The following HPSE2 variants were observed in gnomAD, a reference collection of about 807,000 sequenced individuals.
HPSE2 encodes the protein inactive heparanase-2.
HPSE2 carries 38 observed loss-of-function variants against 60.5 expected under a neutral mutation model. The observed-to-expected ratio is 0.63, with a 90% CI of 0.48 to 0.82. The LOEUF (loss-of-function observed/expected upper bound fraction) is 0.82. HPSE2 is among the 40% of genes least tolerant of loss of function. The pLI is 0.00. For synonymous variants in HPSE2, 295 were observed against 293.2 expected, an observed-to-expected ratio of 1.01 and a Z score of -0.06; for missense variants, 713 against 740.4, an observed-to-expected ratio of 0.96 and a Z score of 0.43.
chr10:98,724,032 C>T (rs914495396), intron 4 of HPSE2, among the ~76,000 whole-genome samples: 8 of 152,034 alleles, frequency 5.3e-5, no homozygotes, highest in African/African-American at 1.2e-4. Context: ...GCTCTTGCTT[C>T]TCTAGTTCTT....
intron 3 of HPSE2, among the ~76,000 whole-genome samples, chr10:99,022,437 CTT>C (rs1386616730): frequency 2.6e-5 from 4 of 152,120 alleles, no homozygotes; most frequent in African/African-American, 9.7e-5. Flanking sequence ...GACTGCAACT[CTT>C]AGGCAAATCC....
chr10:98,536,103 C>T (rs1336455818), intron 9 of HPSE2, among the ~76,000 whole-genome samples: 1 of 152,218 alleles, frequency 6.6e-6, no homozygotes, highest in Non-Finnish European at 1.5e-5. Context: ...GGGGCTACCC[C>T]TTAGGAAGTC....
At chr10:98,724,488 G>A (rs1399505481) in intron 4 of HPSE2, among the ~76,000 whole-genome samples, 1 of 152,112 alleles carries the variant, frequency 6.6e-6, no homozygotes, top group Non-Finnish European at 1.5e-5. Context: ...GGTCCACTTG[G>A]TGCAGAGCTG....
intron 2 of HPSE2, among the ~76,000 whole-genome samples, chr10:99,191,208 C>A (rs1401000274): frequency 6.6e-6 from 1 of 151,964 alleles, no homozygotes; most frequent in African/African-American, 2.4e-5. Context: ...TAGTTCGCCA[C>A]CCTGAATGCA....
intron 3 of HPSE2, among the ~76,000 whole-genome samples, chr10:99,138,554 T>C (rs1288728403): frequency 1.3e-5 from 2 of 152,182 alleles, no homozygotes; most frequent in African/African-American, 2.4e-5. Context: ...TGGAATACTA[T>C]GCAGCCATAA....
chr10:99,141,227 A>C (rs1223258874), intron 3 of HPSE2, among the ~76,000 whole-genome samples: 4 of 152,126 alleles, frequency 2.6e-5, no homozygotes, highest in Admixed American at 2.0e-4. Context: ...ATGCACAATA[A>C]CAACACTCTC....
At chr10:98,526,080 A>G (rs1291861689) in intron 9 of HPSE2, among the ~76,000 whole-genome samples, 1 of 152,212 alleles carries the variant, frequency 6.6e-6, no homozygotes, top group Non-Finnish European at 1.5e-5. Context: ...CAAAAATTCC[A>G]CAGCCTCAGA....
At chr10:99,071,934 G>C (rs1180669326) in intron 3 of HPSE2, among the ~76,000 whole-genome samples, 1 of 151,608 alleles carries the variant, frequency 6.6e-6, no homozygotes, top group Non-Finnish European at 1.5e-5. Context: ...GTATATGTCT[G>C]TCTGTATGCC....
the HPSE2 span, among the ~76,000 whole-genome samples, chr10:99,288,558 G>A: frequency 6.6e-6 from 1 of 151,950 alleles, no homozygotes; most frequent in East Asian, 1.9e-4. Flanking sequence ...CCACCAAAAT[G>A]AGGGAATGAA....
intron 11 of HPSE2, among the ~76,000 whole-genome samples, chr10:98,479,467 T>C (rs534710526): frequency 6.6e-6 from 1 of 152,328 alleles, no homozygotes; most frequent in African/African-American, 2.4e-5. Flanking sequence ...TCTGCTTCAC[T>C]GAAACCACAC....
chr10:98,645,284 G>A (rs1035818888), intron 6 of HPSE2, among the ~76,000 whole-genome samples: 1 of 152,218 alleles, frequency 6.6e-6, no homozygotes, highest in African/African-American at 2.4e-5. Flanking sequence ...AAGAGGTACA[G>A]AGAAAAGTTG....
intron 8 of HPSE2, among the ~76,000 whole-genome samples, chr10:98,615,938 C>T (rs904727306): frequency 6.6e-6 from 1 of 152,116 alleles, no homozygotes; most frequent in Non-Finnish European, 1.5e-5. Context: ...TCACCTCTTC[C>T]CCATCTTCTC....
intron 3 of HPSE2, among the ~76,000 whole-genome samples, chr10:98,779,842 A>C (rs1262456671): frequency 6.6e-6 from 1 of 152,114 alleles, no homozygotes; most frequent in Non-Finnish European, 1.5e-5. Flanking sequence ...TTTGAGAGTA[A>C]TTATATTCAA....
At chr10:99,145,492 A>G (rs1018727543) in intron 2 of HPSE2, among the ~76,000 whole-genome samples, 1 of 152,032 alleles carries the variant, frequency 6.6e-6, no homozygotes, top group African/African-American at 2.4e-5. Context: ...ATGCTTCCCA[A>G]TTAGCAGGAA....
At chr10:98,809,949 G>A (rs982491301) in intron 3 of HPSE2, among the ~76,000 whole-genome samples, 10 of 152,038 alleles carry the variant, frequency 6.6e-5, no homozygotes, top group Admixed American at 4.6e-4. Context: ...CAAAACAGAT[G>A]GCGGAAAACC....
intron 9 of HPSE2, among the ~76,000 whole-genome samples, chr10:98,543,604 C>T (rs939580762): frequency 2.0e-5 from 3 of 152,106 alleles, no homozygotes; most frequent in East Asian, 1.9e-4. Context: ...CAGAGACACA[C>T]ATGGGCTCAA....
At chr10:98,931,405 T>G (rs1480786413) in intron 3 of HPSE2, among the ~76,000 whole-genome samples, 1 of 144,358 alleles carries the variant, frequency 6.9e-6, no homozygotes, top group Non-Finnish European at 1.5e-5. Flanking sequence ...GGTAGCATGA[T>G]GCCTCTGGCT....
chr10:98,987,620 C>A (rs1173668179), intron 3 of HPSE2, among the ~76,000 whole-genome samples: 1 of 152,116 alleles, frequency 6.6e-6, no homozygotes, highest in South Asian at 2.1e-4. Flanking sequence ...TCCTATTCAA[C>A]ATAATGTTGG....
intron 3 of HPSE2, among the ~76,000 whole-genome samples, chr10:98,947,883 T>A (rs563010669): frequency 2.6e-5 from 4 of 152,114 alleles, no homozygotes; most frequent in South Asian, 2.1e-4. Flanking sequence ...ACCTTTCCAG[T>A]AAGGGATGGC....
Sources: gnomAD v4.1 joint callset for allele counts (sites outside exome capture counted in the v4.1 genomes callset) on GRCh38, gnomAD v4.1.1 for gene constraint, MANE v1.5 for transcripts, NCBI Gene and HGNC (gene_info 2026-07-23, HGNC 2026-07-21) for gene names.